The following IL23R variants were observed in gnomAD, a reference collection of about 807,000 sequenced individuals.
The protein encoded by IL23R is interleukin-23 receptor.
A neutral mutation model predicts 56.9 loss-of-function variants in IL23R; 34 were observed. The observed-to-expected ratio is 0.60, with a 90% CI of 0.45 to 0.80. IL23R has a LOEUF of 0.80. Ranked by LOEUF, IL23R falls within the 30% of genes least tolerant of loss-of-function variation. The probability of loss-of-function intolerance (pLI) is 0.00; values close to 1 mark genes in which losing one functional copy is unlikely to be tolerated. For missense variants in IL23R, 635 were observed against 730.0 expected (o/e 0.87, Z 1.50); for synonymous variants, 230 against 249.2 (o/e 0.92, Z 0.73).
At chr1:67,181,601 G>A (rs1302524458) in intron 3 of IL23R, among the ~76,000 whole-genome samples, 1 of 152,186 alleles carries the variant, frequency 6.6e-6, no homozygotes, top group Non-Finnish European at 1.5e-5. Flanking sequence ...GCTCGGAGAA[G>A]TTTGATCTTC....
intron 3 of IL23R, among the ~76,000 whole-genome samples, chr1:67,176,753 T>C (rs1395990117): frequency 2.0e-5 from 3 of 152,160 alleles, no homozygotes; most frequent in Non-Finnish European, 4.4e-5. Context: ...TCATTTAACA[T>C]TAGGTATATC....
intron 1 of IL23R, among the ~76,000 whole-genome samples, chr1:67,142,558 T>A (rs1469053533): frequency 6.6e-6 from 1 of 152,158 alleles, no homozygotes; most frequent in Non-Finnish European, 1.5e-5. Flanking sequence ...AATATATTTT[T>A]AAATTTATTT....
intron 7 of IL23R, among the ~76,000 whole-genome samples, chr1:67,220,630 G>C (rs1650178005): frequency 6.6e-6 from 1 of 152,144 alleles, no homozygotes; most frequent in South Asian, 2.1e-4. Context: ...CACTTTGGGA[G>C]ACCAAGGCAG....
intron 6 of IL23R, among the ~76,000 whole-genome samples, chr1:67,211,789 C>G (rs371451414): frequency 5.3e-5 from 8 of 152,274 alleles, no homozygotes; most frequent in African/African-American, 1.4e-4. Flanking sequence ...ATTCTCTGCT[C>G]CCCCTGGTGG....
chr1:67,221,138 T>A (rs1351422205), intron 7 of IL23R, among the ~76,000 whole-genome samples: 1 of 152,152 alleles, frequency 6.6e-6, no homozygotes, highest in Non-Finnish European at 1.5e-5. Flanking sequence ...CTGGCCAACG[T>A]GGCAAAATCC....
At chr1:67,216,331 C>A (rs1373610434) in intron 6 of IL23R, among the ~76,000 whole-genome samples, 3 of 152,136 alleles carry the variant, frequency 2.0e-5, no homozygotes, top group African/African-American at 7.2e-5. Context: ...GAAACATTAG[C>A]TATTACTATT....
chr1:67,181,461 C>CGTGCCATG, intron 3 of IL23R, among the ~76,000 whole-genome samples: 1 of 152,280 alleles, frequency 6.6e-6, no homozygotes, highest in Non-Finnish European at 1.5e-5. Flanking sequence ...ATGTAGTTCT[C>CGTGCCATG]GTGCCATGGT....
At chr1:67,251,552 A>C (rs925974493) in intron 9 of IL23R, among the ~76,000 whole-genome samples, 4 of 152,148 alleles carry the variant, frequency 2.6e-5, no homozygotes, top group Non-Finnish European at 5.9e-5. Context: ...AGTGCTCTTT[A>C]AAAAATCCTT....
chr1:67,169,512 A>G lies in IL23R; in HGVS notation c.241A>G (p.Asn81Asp). The change falls in exon 3 of 11, where the codon AAT (asparagine) becomes GAT (aspartate). Residue 81 changes from asparagine (N) to aspartate (D), a missense_variant. Coordinates refer to ENST00000347310, the MANE Select transcript of IL23R (RefSeq NM_144701.3). Reference sequence around the variant, plus strand: ...AGAAAGATTTCAAATCACAAGGATTAATAAAACAACAGCTCGGCTTTGGTA... The same window carrying G: ...AGAAAGATTTCAAATCACAAGGATTGATAAAACAACAGCTCGGCTTTGGTA... ...IKERFQITRI[N>D]KTTARLWYKN... 1 of 1,614,072 alleles carries G rather than the reference A, an allele frequency of 6.2e-7. No homozygotes were observed. Among genetic ancestry groups the G allele is most frequent in the Non-Finnish European group, 8.5e-7 (1 of 1,179,916 alleles).
At chr1:67,264,230 C>T (rs1415856929), downstream of IL23R, among the ~76,000 whole-genome samples, 1 of 152,224 alleles carries the variant, frequency 6.6e-6, no homozygotes, top group Non-Finnish European at 1.5e-5. Flanking sequence ...GTTCTATTCA[C>T]AATAATTAAC....
intron 8 of IL23R, 29 bp downstream of exon 8, chr1:67,236,831 G>A (rs746914549): frequency 6.9e-7 from 1 of 1,453,144 alleles, no homozygotes; most frequent in South Asian, 1.1e-5. Context: ...GGCTTTTTGA[G>A]TAGTCTTTTA....
rs554404601 is a variant in IL23R at position 67,204,409 on chromosome 1, C to A, written c.653-2501C>A. Among the ~76,000 whole-genome samples, 16 of 152,250 alleles carry A rather than the reference C, an allele frequency of 1.1e-4. 1 individual carries two copies. The South Asian group carries it at 2.9e-3, about 28-fold the overall frequency. On this transcript the variant is annotated intron_variant, in intron 5 of 10. Coordinates refer to ENST00000347310, the MANE Select transcript of IL23R (RefSeq NM_144701.3). ...AATTCAACATCTGAGTCTTGTGTAACAAACTAAATATTCAAGTATGTATTA... is the reference window on the plus strand; with the variant it reads ...AATTCAACATCTGAGTCTTGTGTAAAAAACTAAATATTCAAGTATGTATTA...
In IL23R at chr1:67,206,117, A is replaced by G. The variant is rs533686272; in HGVS notation, c.653-793A>G. The stretch of plus-strand genomic sequence containing the variant: ...AACCTCTGCCTCCCGGGTTCAAGCG[A>G]TCCTCCTGCCTCAGCCTCCTGAGTA... On this transcript the variant is annotated intron_variant, in intron 5 of 10. Coordinates refer to ENST00000347310, the MANE Select transcript of IL23R (RefSeq NM_144701.3). Among the ~76,000 whole-genome samples the G allele has an allele frequency of 1.5e-3, 229 of 151,516 alleles. 2 individuals are homozygous for G. The highest frequency in any genetic ancestry group is 5.4e-3 in the African/African-American group (221 of 41,284).
In IL23R at chr1:67,227,519, G is replaced by T. The variant is rs879735979; in HGVS notation, c.955+7789G>T. Among the ~76,000 whole-genome samples the T allele has an allele frequency of 7.3e-5, 11 of 151,078 alleles. No individual in the cohort carries two copies. The East Asian group carries it at 1.6e-3, about 21-fold the overall frequency. On this transcript the variant is annotated intron_variant, in intron 7 of 10. Coordinates refer to ENST00000347310, the MANE Select transcript of IL23R (RefSeq NM_144701.3). ...TGCTTTCCTCTCACAAAACAGTATT[G>T]GTTGTTGCACTACCAGTGACTCCTT...
In IL23R at chr1:67,240,158, ATT is replaced by A; in HGVS notation, c.1046-17_1046-16del. Reference sequence around the variant, plus strand: ...TGAAGACTAATGCTTGGTTAAAATTATTTTTCTTTCCTTTCATTAGACAACAG... The same window carrying A: ...TGAAGACTAATGCTTGGTTAAAATTATTTCTTTCCTTTCATTAGACAACAG... On this transcript the variant is annotated intron_variant, in intron 8 of 10. Coordinates refer to ENST00000347310, the MANE Select transcript of IL23R (RefSeq NM_144701.3). 6.7e-7 allele frequency: 1 copy of A among 1,485,138 alleles called. No homozygotes were observed. The highest frequency in any genetic ancestry group is 9.4e-7 in the Non-Finnish European group (1 of 1,063,398). The allele number at this position is 1,485,138 out of a possible 1,614,324, so 92.0% of individuals were successfully genotyped here. A position where few individuals can be genotyped will look rare whatever the true frequency, so the allele number is the denominator to read the frequency against.
At chr1:67,222,641 G>A (rs1650370419) in intron 7 of IL23R, among the ~76,000 whole-genome samples, 1 of 152,076 alleles carries the variant, frequency 6.6e-6, no homozygotes, top group African/African-American at 2.4e-5. Context: ...CTGTGTATAA[G>A]CTTGTTTGAT....
intron 1 of IL23R, among the ~76,000 whole-genome samples, chr1:67,155,333 G>A (rs1646762284): frequency 6.6e-6 from 1 of 152,088 alleles, no homozygotes; most frequent in Non-Finnish European, 1.5e-5. Context: ...GTGAATGTTG[G>A]CCTGTCTTGC....
chr1:67,175,214 G>A (rs936989518), intron 3 of IL23R, among the ~76,000 whole-genome samples: 11 of 152,052 alleles, frequency 7.2e-5, no homozygotes, highest in Admixed American at 5.9e-4. Flanking sequence ...GCCATAACAT[G>A]GCCACCTGGA....
At chr1:67,174,010 A>G (rs1164142068) in intron 3 of IL23R, among the ~76,000 whole-genome samples, 2 of 152,150 alleles carry the variant, frequency 1.3e-5, no homozygotes, top group African/African-American at 4.8e-5. Context: ...CTTCTTCAAC[A>G]TTGCTTTTGG....
Sources: allele counts gnomAD v4.1 joint callset (sites outside exome capture counted in the v4.1 genomes callset), GRCh38; gene constraint gnomAD v4.1.1; transcripts MANE v1.5; gene names NCBI Gene and HGNC (gene_info 2026-07-23, HGNC 2026-07-21).